AGBL4: variants seen among roughly 807,000 people sequenced by gnomAD.
The protein encoded by AGBL4 is cytosolic carboxypeptidase 6.
In AGBL4, 58 loss-of-function variants were observed where a neutral mutation model predicts 66.4. The ratio of observed to expected loss-of-function variants is 0.87; its 90% CI spans 0.71 to 1.09. The LOEUF (loss-of-function observed/expected upper bound fraction) is 1.09, where lower values mean the gene tolerates loss of function less well. Among genes scored for constraint, AGBL4 ranks in the 50% least tolerant of loss-of-function variants. The pLI, the probability that AGBL4 is intolerant of heterozygous loss-of-function variation, is 0.00. For missense variants in AGBL4, 579 were observed against 631.0 expected (o/e 0.92, Z 0.88); for synonymous variants, 234 against 222.9 (o/e 1.05, Z -0.44).
At chr1:49,614,265 A>C (rs569642846) in intron 3 of AGBL4, among the ~76,000 whole-genome samples, 1 of 152,170 alleles carries the variant, frequency 6.6e-6, no homozygotes, top group South Asian at 2.1e-4. Flanking sequence ...ACTATAGACT[A>C]GTTTTGTTGT....
chr1:49,666,178 C>CT (rs1646363275), intron 3 of AGBL4, among the ~76,000 whole-genome samples: 1 of 151,796 alleles, frequency 6.6e-6, no homozygotes, highest in Non-Finnish European at 1.5e-5. Flanking sequence ...TCTTGTATAC[C>CT]CCTCTGCTCT....
rs148801435 is a variant in AGBL4 at position 49,707,098 on chromosome 1, T to G, written c.158-9661A>C. On this transcript the variant is annotated intron_variant, in intron 2 of 13. Coordinates refer to ENST00000371839, the MANE Select transcript of AGBL4 (RefSeq NM_032785.4). The stretch of plus-strand genomic sequence containing the variant: ...AGCTGAGTTCAAGTCTTGAATATCC[T>G]TATTAATTTTCTGTCTCGTTGATCT... 2.8e-3 allele frequency among the ~76,000 whole-genome samples: 430 copies of G among 152,280 alleles called. 11 individuals carry two copies. The East Asian group carries it at 0.074, about 26-fold the overall frequency.
At chr1:49,196,958 G>A (rs1316885959) in intron 4 of AGBL4, among the ~76,000 whole-genome samples, 2 of 152,076 alleles carry the variant, frequency 1.3e-5, no homozygotes, top group East Asian at 3.9e-4. Context: ...CTCTCAAGTA[G>A]TTGGAACTAC....
At chr1:49,186,173 C>T (rs1365808710) in intron 4 of AGBL4, among the ~76,000 whole-genome samples, 1 of 152,162 alleles carries the variant, frequency 6.6e-6, no homozygotes, top group Non-Finnish European at 1.5e-5. Context: ...CTCCCCAACA[C>T]CCTGCCTCCC....
At chr1:48,994,940 T>C (rs1035964224) in intron 5 of AGBL4, among the ~76,000 whole-genome samples, 3 of 152,154 alleles carry the variant, frequency 2.0e-5, no homozygotes, top group Admixed American at 2.0e-4. Context: ...AATAAGAGGA[T>C]TATCTTGATA....
At chr1:49,798,119 T>C (rs1644775374) in intron 2 of AGBL4, among the ~76,000 whole-genome samples, 1 of 152,166 alleles carries the variant, frequency 6.6e-6, no homozygotes, top group African/African-American at 2.4e-5. Context: ...ATGGCAAAAA[T>C]GCATGTGGCC....
chr1:49,197,868 G>T (rs1345205597), intron 4 of AGBL4, among the ~76,000 whole-genome samples: 2 of 152,124 alleles, frequency 1.3e-5, no homozygotes, highest in Non-Finnish European at 2.9e-5. Flanking sequence ...GGCTGTGGGA[G>T]CCCCTCCCCC....
chr1:49,096,609 TACTCTC>T (rs959841146), intron 4 of AGBL4, among the ~76,000 whole-genome samples: 1 of 144,518 alleles, frequency 6.9e-6, no homozygotes, highest in Non-Finnish European at 1.5e-5. Flanking sequence ...AAATACTGCA[TACTCTC>T]ACTCATAGGT....
At chr1:49,988,769 C>T (rs184007757) in intron 1 of AGBL4, among the ~76,000 whole-genome samples, 15 of 152,114 alleles carry the variant, frequency 9.9e-5, no homozygotes, top group Admixed American at 5.9e-4. Context: ...CACTTCAATC[C>T]CAATGTAAAT....
At chr1:49,431,753 A>G (rs1396075706) in intron 3 of AGBL4, among the ~76,000 whole-genome samples, 1 of 152,162 alleles carries the variant, frequency 6.6e-6, no homozygotes, top group Middle Eastern at 3.2e-3. Flanking sequence ...TAAACTTTAC[A>G]TCTGCTATTA....
intron 6 of AGBL4, among the ~76,000 whole-genome samples, chr1:48,838,554 G>A (rs778408208): frequency 1.2e-4 from 19 of 152,214 alleles, no homozygotes; most frequent in African/African-American, 1.9e-4. Flanking sequence ...GGTTAAAGAT[G>A]TAAATGTATT....
chr1:49,386,608 A>C (rs1233107672), intron 3 of AGBL4, among the ~76,000 whole-genome samples: 1 of 151,980 alleles, frequency 6.6e-6, no homozygotes. Flanking sequence ...TTGGAAACAC[A>C]ATGTACAGTA....
At chr1:49,970,768 A>C (rs1303516329) in intron 1 of AGBL4, among the ~76,000 whole-genome samples, 8 of 138,842 alleles carry the variant, frequency 5.8e-5, no homozygotes, top group Non-Finnish European at 1.1e-4. Flanking sequence ...AAAAAAAAAA[A>C]CAGAACGGTG....
chr1:49,655,049 A>G (rs1413412074), intron 3 of AGBL4, among the ~76,000 whole-genome samples: 2 of 152,172 alleles, frequency 1.3e-5, no homozygotes, highest in African/African-American at 4.8e-5. Context: ...ATGTTTTTGC[A>G]GATGCTCATA....
intron 4 of AGBL4, among the ~76,000 whole-genome samples, chr1:49,158,974 G>T (rs1196609736): frequency 6.8e-6 from 1 of 147,952 alleles, no homozygotes; most frequent in Non-Finnish European, 1.5e-5. Context: ...TACGAGATGG[G>T]TCTCCTGAAT....
In AGBL4 at chr1:49,468,807, T is replaced by C. The variant is rs371921273; in HGVS notation, c.283-222943A>G. ...TCCATGAAAGTGCATTATCACAATA[T>C]TGACTTTGTATATAAGCATTGTATG... On this transcript the variant is annotated intron_variant, in intron 3 of 13. Transcript: ENST00000371839. Among the ~76,000 whole-genome samples, 39 of 152,016 alleles carry C rather than the reference T, an allele frequency of 2.6e-4. 1 individual carries two copies. The highest frequency in any genetic ancestry group is 9.1e-4 in the African/African-American group (38 of 41,548).
At chr1:48,800,161 T>C (rs1204480371) in intron 6 of AGBL4, among the ~76,000 whole-genome samples, 1 of 152,116 alleles carries the variant, frequency 6.6e-6, no homozygotes, top group Non-Finnish European at 1.5e-5. Context: ...TTAAAAATTA[T>C]TGTTTCAATC....
intron 1 of AGBL4, among the ~76,000 whole-genome samples, chr1:49,858,276 G>T (rs769461791): frequency 1.3e-5 from 2 of 152,016 alleles, no homozygotes; most frequent in Non-Finnish European, 2.9e-5. Flanking sequence ...AGAAATAGTG[G>T]AAATGTAAAT....
chr1:49,169,917 T>G (rs545193994), intron 4 of AGBL4, among the ~76,000 whole-genome samples: 3 of 152,070 alleles, frequency 2.0e-5, no homozygotes, highest in Admixed American at 2.0e-4. Flanking sequence ...CACTTATAAG[T>G]GGGAGCTAAG....
Sources: gnomAD v4.1 joint callset for allele counts (sites outside exome capture counted in the v4.1 genomes callset) on GRCh38, gnomAD v4.1.1 for gene constraint, MANE v1.5 for transcripts, NCBI Gene and HGNC (gene_info 2026-07-23, HGNC 2026-07-21) for gene names.